The following PCDH1 variants were observed in gnomAD, a reference collection of about 807,000 sequenced individuals.
PCDH1 encodes the protein protocadherin-1.
Under a neutral mutation model 74.6 loss-of-function variants are expected in PCDH1, and 23 were observed. That is an observed-to-expected ratio of 0.31 (90% CI 0.22 to 0.44). The LOEUF (loss-of-function observed/expected upper bound fraction) is 0.44, where lower values mean the gene tolerates loss of function less well. PCDH1 is among the 20% of genes least tolerant of loss of function. The pLI is 1.00. For synonymous variants in PCDH1, 647 were observed against 686.1 expected, an observed-to-expected ratio of 0.94 and a Z score of 0.89; for missense variants, 1,214 against 1,641.4, an observed-to-expected ratio of 0.74 and a Z score of 4.50.
Position 141,868,889 on chromosome 5 carries a change from G to A in PCDH1, c.583C>T (p.Arg195Cys), listed in dbSNP as rs149707808. Residue 195 changes from arginine to cysteine, a missense_variant, in exon 2 of 5, where the codon CGT becomes TGT. Around this residue, in one of 4 missense-constraint regions of PCDH1, gnomAD observed 836 missense variants for 1,182.2 expected, o/e 0.71. Transcript: ENST00000287008. The surrounding 1 kb of genome is among the most constrained non-coding windows in gnomAD (Gnocchi z 4.8). Reference sequence around the variant, plus strand: ...GCCACACCGTTGGGACCAGCATCACGGTCTGAAGCCAGCGGGATGGGGAAG... The same window carrying A: ...GCCACACCGTTGGGACCAGCATCACAGTCTGAAGCCAGCGGGATGGGGAAG... ...SLFPIPLASD[R>C]DAGPNGVASY... 6 of 1,614,228 alleles carry A rather than the reference G, an allele frequency of 3.7e-6. No homozygotes were observed. The highest frequency in any genetic ancestry group is 1.1e-5 in the South Asian group (1 of 91,086).
rs775335966 is a variant in PCDH1 at position 141,869,184 on chromosome 5, G to A, written c.288C>T (p.Ala96=). ...TCTTGCCATCCACGCGAAGGTACGG[G>A]GCACCCACCTCTAGCTTGTACAGGT... The part of the protein sequence containing the change: ...VGHLYKLEVG[A]PYLRVDGKTG... Residue 96 remains alanine, a synonymous_variant, in exon 2 of 5, where the codon GCC becomes GCT. Transcript: ENST00000287008. The surrounding 1 kb of genome is among the most constrained non-coding windows in gnomAD (Gnocchi z 4.9). 5 of 1,613,996 alleles carry A rather than the reference G, an allele frequency of 3.1e-6. No individual in the cohort carries two copies. The highest frequency in any genetic ancestry group is 4.2e-6 in the Non-Finnish European group (5 of 1,179,980).
chr5:141,867,739 A>G, intron 2 of PCDH1: 2 of 377,268 alleles, frequency 5.3e-6, no homozygotes, highest in South Asian at 4.0e-5. Context: ...CAGCTCCCTC[A>G]CATCAAAGAG....
rs1197114583 is a variant in PCDH1 at position 141,864,621 on chromosome 5, C to T, written c.1710G>A (p.Leu570=). Residue 570 remains leucine (L), a synonymous_variant, in exon 3 of 5, where the codon CTG becomes CTA. Transcript: ENST00000287008. This position sits in a 1 kb window ranked among gnomAD's most constrained non-coding sequence, Gnocchi z 5.9. ...ETGEIQVKTS[L]DREQRESYEL... is the part of the protein sequence containing the mutation. ...CATAGCTCTCCCGCTGTTCCCGATCCAGAGATGTCTTCACCTGGATCTCTC... is the reference window on the plus strand; with the variant it reads ...CATAGCTCTCCCGCTGTTCCCGATCTAGAGATGTCTTCACCTGGATCTCTC... 1 of 1,613,632 alleles carries T rather than the reference C, an allele frequency of 6.2e-7. No homozygotes were observed. Among genetic ancestry groups the T allele is most frequent in the Admixed American group, 1.7e-5 (1 of 60,022 alleles).
chr5:141,876,462 C>T (rs973627377), intron 1 of PCDH1, among the ~76,000 whole-genome samples: 1 of 152,208 alleles, frequency 6.6e-6, no homozygotes, highest in Non-Finnish European at 1.5e-5. Context: ...GGGACATTCT[C>T]ATAAAACCGA....
At chr5:141,875,349 T>C (rs927873225) in intron 1 of PCDH1, among the ~76,000 whole-genome samples, 52 of 152,194 alleles carry the variant, frequency 3.4e-4, no homozygotes, top group Non-Finnish European at 1.0e-4. Context: ...CTCTTACTAC[T>C]GCATCCTCAC....
At chr5:141,855,239 T>C (rs1202737499) in intron 4 of PCDH1, among the ~76,000 whole-genome samples, 3 of 151,794 alleles carry the variant, frequency 2.0e-5, no homozygotes, top group Non-Finnish European at 1.5e-5. Context: ...CCTCCCAGAG[T>C]GTTGGAATTA....
In PCDH1 at chr5:141,868,667, T is replaced by C; in HGVS notation, c.805A>G (p.Thr269Ala). The change falls in exon 2 of 5, where the codon ACC becomes GCC. Residue 269 changes from threonine (T) to alanine (A), a missense_variant. Coordinates refer to ENST00000287008, the MANE Select transcript of PCDH1 (RefSeq NM_032420.5). The surrounding 1 kb of genome is among the most constrained non-coding windows in gnomAD (Gnocchi z 4.8). ...PRASSALLRV[T>A]VLDTNDNAPK... is the part of the protein sequence containing the mutation. ...GCGTTGTCATTGGTGTCAAGCACGG[T>C]GACACGCAGCAGGGCACTGCTGGCG... 1 of 1,611,130 alleles carries C rather than the reference T, an allele frequency of 6.2e-7. No homozygotes were observed. Among genetic ancestry groups the C allele is most frequent in the Non-Finnish European group, 8.5e-7 (1 of 1,178,168 alleles).
At chr5:141,872,989 C>G (rs192056530) in intron 1 of PCDH1, among the ~76,000 whole-genome samples, 2 of 152,170 alleles carry the variant, frequency 1.3e-5, no homozygotes, top group Admixed American at 1.3e-4. Flanking sequence ...TGAGGATTAT[C>G]TGGCCCCACC....
Position 141,865,438 on chromosome 5 carries a change from G to A in PCDH1, c.904-11C>T, listed in dbSNP as rs199815378. On this transcript the variant is annotated splice_polypyrimidine_tract_variant and intron_variant, in intron 2 of 4. Coordinates refer to ENST00000287008, the MANE Select transcript of PCDH1 (RefSeq NM_032420.5). This position sits in a 1 kb window ranked among gnomAD's most constrained non-coding sequence, Gnocchi z 4.4. ...GTCATTGGCCTTCACCTATAGGGCA[G>A]GAGAGAAAAACAAGGAGAACAGAGA... 568 of 1,606,160 alleles carry A rather than the reference G, an allele frequency of 3.5e-4. No homozygotes were observed. The African/African-American group carries it at 6.9e-3, about 20-fold the overall frequency.
Position 141,869,893 on chromosome 5 carries a change from A to C in PCDH1, c.41-462T>G, listed in dbSNP as rs150723696. 1 of 701,744 alleles carries C rather than the reference A, an allele frequency of 1.4e-6. No individual in the cohort carries two copies. Among genetic ancestry groups the C allele is most frequent in the Non-Finnish European group, 1.8e-6 (1 of 570,846 alleles). The allele number at this position is 701,744 out of a possible 1,614,324, so 43.5% of individuals were successfully genotyped here. ...AAGGGTGAGACCTCGAGCATCCCCA[A>C]CTGGAGCACCCCTCCCCACATGCAT... On this transcript the variant is annotated intron_variant, in intron 1 of 4. Transcript: ENST00000287008. This position sits in a 1 kb window ranked among gnomAD's most constrained non-coding sequence, Gnocchi z 4.9.
chr5:141,878,392 T>C lies in PCDH1; in HGVS notation c.-130A>G. 1.6e-6 allele frequency: 1 copy of C among 612,878 alleles called. No homozygotes were observed. The highest frequency in any genetic ancestry group is 2.2e-6 in the Non-Finnish European group (1 of 455,196). The allele number at this position is 612,878 out of a possible 1,614,324, so 38.0% of individuals were successfully genotyped here. On this transcript the variant is annotated 5_prime_UTR_variant, in exon 1 of 5. Transcript: ENST00000287008. The surrounding 1 kb of genome is among the most constrained non-coding windows in gnomAD (Gnocchi z 5.5). ...CGGCGGCTTTGCGTCCGCGCCGCGC[T>C]CCCGCTCCCCGAGTGTGTGAGGCGG... is the stretch of plus-strand genomic sequence containing the variant.
chr5:141,867,393 T>C (rs1183621825), intron 2 of PCDH1: 1 of 338,754 alleles, frequency 3.0e-6, no homozygotes, highest in African/African-American at 2.2e-5. Context: ...CTGAACTCAT[T>C]AGCTGTAGGA....
intron 1 of PCDH1, among the ~76,000 whole-genome samples, chr5:141,870,542 C>T (rs1406548539): frequency 6.6e-6 from 1 of 152,182 alleles, no homozygotes; most frequent in Non-Finnish European, 1.5e-5. Context: ...CACTCCCCCA[C>T]CCCACACCCT....
chr5:141,864,784 G>C lies in PCDH1; in HGVS notation c.1547C>G (p.Pro516Arg). 6.2e-7 allele frequency: 1 copy of C among 1,614,038 alleles called. No homozygotes were observed. The highest frequency in any genetic ancestry group is 8.5e-7 in the Non-Finnish European group (1 of 1,180,014). The change falls in exon 3 of 5, where the codon CCG becomes CGG. Residue 516 changes from proline (P) to arginine (R), a missense_variant. Physicochemically the swap from Pro to Arg is moderately radical, Grantham distance 103. This residue lies in a region of PCDH1 where 836 missense variants were observed against 1,182.2 expected (regional missense o/e 0.71). Coordinates refer to ENST00000287008, the MANE Select transcript of PCDH1 (RefSeq NM_032420.5). The surrounding 1 kb of genome is among the most constrained non-coding windows in gnomAD (Gnocchi z 5.9). ...FTQSVTEVAF[P>R]ENNKPGEVIA... Reference sequence around the variant, plus strand: ...CACTTCACCAGGCTTGTTGTTTTCCGGGAAGGCGACCTCAGTGACACTCTG... The same window carrying C: ...CACTTCACCAGGCTTGTTGTTTTCCCGGAAGGCGACCTCAGTGACACTCTG...
intron 3 of PCDH1, among the ~76,000 whole-genome samples, chr5:141,858,789 T>C (rs1403692025): frequency 6.6e-6 from 1 of 152,078 alleles, no homozygotes; most frequent in Non-Finnish European, 1.5e-5. Context: ...CTCCTTCCCA[T>C]CCTCCAAGAC....
rs771695199 is a variant in PCDH1, at chr5:141,854,019, G to GGGCC, written c.*19_*22dup. ...GAGCTGGCCGGCGGCTGGGGGAGGGGGGCCGGCCGGCCAGTAGGGGGCTCA... is the reference window on the plus strand; with the variant it reads ...GAGCTGGCCGGCGGCTGGGGGAGGGGGGCCGGCCGGCCGGCCAGTAGGGGGCTCA... On this transcript the variant is annotated 3_prime_UTR_variant, in exon 5 of 5. Transcript: ENST00000287008. The GGGCC allele has an allele frequency of 7.5e-6, 11 of 1,471,982 alleles. No individual in the cohort carries two copies. Among genetic ancestry groups the GGGCC allele is most frequent in the Non-Finnish European group, 9.9e-6 (11 of 1,110,654 alleles). The allele number at this position is 1,471,982 out of a possible 1,614,324, so 91.2% of individuals were successfully genotyped here.
At position 141,863,566 on chromosome 5, in the gene PCDH1, A is replaced by G. The variant is rs755677036; in HGVS notation, c.2765T>C (p.Val922Ala). ...CTCATCCTCGTCCTCCACTGGCTTC[A>G]CGGGCTTTGGGGACTTGCTCTTCTT... ...KGKKSKSPKP[V>A]KPVEDEDEAG... The change falls in exon 3 of 5, where the codon GTG becomes GCG. Residue 922 changes from valine (V) to alanine (A), a missense_variant. By Grantham distance (64) the Val-to-Ala change is moderately conservative (BLOSUM62 0). Around this residue, in one of 4 missense-constraint regions of PCDH1, gnomAD observed 836 missense variants for 1,182.2 expected, o/e 0.71. Coordinates refer to ENST00000287008, the MANE Select transcript of PCDH1 (RefSeq NM_032420.5). The surrounding 1 kb of genome is among the most constrained non-coding windows in gnomAD (Gnocchi z 7.5). 2.2e-5 allele frequency: 36 copies of G among 1,614,130 alleles called. 1 individual carries two copies. The South Asian group carries it at 3.8e-4, about 17-fold the overall frequency.
chr5:141,858,893 A>C (rs541629021), intron 3 of PCDH1, among the ~76,000 whole-genome samples: 2 of 152,166 alleles, frequency 1.3e-5, no homozygotes, highest in East Asian at 3.9e-4. Context: ...TTACCCTCCT[A>C]ATAGCCCCAT....
At chr5:141,855,963 C>CA (rs397694062) in intron 4 of PCDH1, among the ~76,000 whole-genome samples, 62 of 151,116 alleles carry the variant, frequency 4.1e-4, no homozygotes, top group African/African-American at 1.5e-3. Flanking sequence ...GACCCCCCCC[C>CA]ACCCCCAAGG....
Sources: gnomAD v4.1 joint callset for allele counts (sites outside exome capture counted in the v4.1 genomes callset) on GRCh38, gnomAD v4.1.1 for gene constraint, gnomAD v4.1.1 regional missense constraint, Gnocchi (gnomAD v3.1) non-coding constraint, MANE v1.5 for transcripts, NCBI Gene and HGNC (gene_info 2026-07-23, HGNC 2026-07-21) for gene names.